The following AMBRA1 variants were observed in gnomAD, a reference collection of about 807,000 sequenced individuals.
AMBRA1 encodes autophagy and beclin 1 regulator 1.
In AMBRA1, 47 loss-of-function variants were observed where a neutral mutation model predicts 125.4. The observed-to-expected ratio is 0.37, with a 90% confidence interval of 0.30 to 0.48. The LOEUF (loss-of-function observed/expected upper bound fraction) is 0.48, where lower values mean the gene tolerates loss of function less well. AMBRA1 is among the 20% of genes least tolerant of loss of function. The pLI is 0.99. For synonymous variants in AMBRA1, 626 were observed against 655.5 expected, an observed-to-expected ratio of 0.95 and a Z score of 0.69; for missense variants, 1,331 against 1,693.4, an observed-to-expected ratio of 0.79 and a Z score of 3.76.
At chr11:46,405,542 G>T (rs1248457751) in intron 17 of AMBRA1, among the ~76,000 whole-genome samples, 1 of 151,882 alleles carries the variant, frequency 6.6e-6, no homozygotes, top group Non-Finnish European at 1.5e-5. Flanking sequence ...AACACGGTGA[G>T]ACCCTATCTC....
At chr11:46,577,069 G>C (rs951525544) in intron 1 of AMBRA1, among the ~76,000 whole-genome samples, 2 of 152,162 alleles carry the variant, frequency 1.3e-5, no homozygotes, top group African/African-American at 4.8e-5. Context: ...TAACATGTCA[G>C]AAGATCATTA....
intron 15 of AMBRA1, among the ~76,000 whole-genome samples, chr11:46,417,109 T>C (rs755151212): frequency 5.9e-5 from 9 of 151,940 alleles, no homozygotes; most frequent in Non-Finnish European, 8.8e-5. Context: ...TGGCGTGCAA[T>C]GGCATGATGT....
At chr11:46,450,734 T>G (rs1948547862) in intron 11 of AMBRA1, among the ~76,000 whole-genome samples, 1 of 152,214 alleles carries the variant, frequency 6.6e-6, no homozygotes. Flanking sequence ...TGAGCCACCA[T>G]GTACAGCCAC....
chr11:46,432,976 A>C (rs1320698984), intron 14 of AMBRA1, among the ~76,000 whole-genome samples: 11 of 152,346 alleles, frequency 7.2e-5, no homozygotes, highest in Middle Eastern at 3.4e-3. Flanking sequence ...ACAGGGTCCT[A>C]GACAGGACCT....
At chr11:46,445,982 C>A (rs571883383) in intron 11 of AMBRA1, among the ~76,000 whole-genome samples, 25 of 152,264 alleles carry the variant, frequency 1.6e-4, no homozygotes, top group African/African-American at 5.8e-4. Flanking sequence ...TGTGGATCTG[C>A]AAATGGGAAC....
chr11:46,483,596 AG>A (rs1950157273), intron 11 of AMBRA1, among the ~76,000 whole-genome samples: 1 of 152,196 alleles, frequency 6.6e-6, no homozygotes, highest in Non-Finnish European at 1.5e-5. Context: ...ATGTGAGCCC[AG>A]GGTTTTAAAA....
Position 46,548,413 on chromosome 11 carries a change from G to A in AMBRA1, c.-33C>T. 1 of 1,611,188 alleles carries A rather than the reference G, an allele frequency of 6.2e-7. No individual in the cohort carries two copies. The highest frequency in any genetic ancestry group is 1.7e-5 in the Admixed American group (1 of 59,978). On this transcript the variant is annotated 5_prime_UTR_variant, in exon 2 of 18. Coordinates refer to ENST00000683756, the MANE Select transcript of AMBRA1 (RefSeq NM_001387011.1). ...AGTAGCCACTGTCACACCAGGCCCA[G>A]GAAATGAAGGAGCAAGTAACAGCTC...
At chr11:46,547,089 A>C (rs766993260) in intron 4 of AMBRA1, 24 bp downstream of exon 4, 5 of 1,565,956 alleles carry the variant, frequency 3.2e-6, no homozygotes, top group Non-Finnish European at 3.4e-6. Flanking sequence ...CCAAAAGAAA[A>C]GGGTATCTTA....
intron 7 of AMBRA1, among the ~76,000 whole-genome samples, chr11:46,531,810 A>T (rs752480895): frequency 2.0e-5 from 3 of 151,934 alleles, no homozygotes; most frequent in African/African-American, 7.3e-5. Context: ...AATGACGAAT[A>T]CATTCGATAT....
chr11:46,569,044 C>A (rs1591148928), intron 1 of AMBRA1, among the ~76,000 whole-genome samples: 1 of 151,444 alleles, frequency 6.6e-6, no homozygotes, highest in Non-Finnish European at 1.5e-5. Context: ...TAACCTCAGG[C>A]GATCCACCTG....
intron 12 of AMBRA1, 130 bp from the exon 13 acceptor site, chr11:46,435,167 C>A (rs1947661198): frequency 7.6e-6 from 6 of 786,754 alleles, no homozygotes; most frequent in Non-Finnish European, 1.2e-5. Context: ...AGAATACCTT[C>A]TCATTCAAAC....
intron 14 of AMBRA1, among the ~76,000 whole-genome samples, chr11:46,421,072 T>C (rs1946828254): frequency 6.6e-6 from 1 of 152,234 alleles, no homozygotes; most frequent in African/African-American, 2.4e-5. Context: ...AGGCAAATAT[T>C]ATCTATTTGC....
chr11:46,547,371 T>G (rs915667962), intron 3 of AMBRA1, 75 bp from the exon 4 acceptor site: 2 of 1,349,872 alleles, frequency 1.5e-6, no homozygotes, highest in African/African-American at 2.9e-5. Context: ...TTGGACGACA[T>G]AGAATATTGA....
At chr11:46,568,317 G>A (rs975232505) in intron 1 of AMBRA1, among the ~76,000 whole-genome samples, 1 of 151,942 alleles carries the variant, frequency 6.6e-6, no homozygotes, top group Non-Finnish European at 1.5e-5. Context: ...AATTAGCCGG[G>A]AGTGGTGGCA....
intron 17 of AMBRA1, among the ~76,000 whole-genome samples, chr11:46,405,546 C>T (rs1210338698): frequency 3.3e-5 from 5 of 151,928 alleles, no homozygotes; most frequent in East Asian, 2.0e-4. Flanking sequence ...CGGTGAGACC[C>T]TATCTCTAAA....
chr11:46,542,102 T>C lies in AMBRA1; in HGVS notation c.1915A>G (p.Ser639Gly). 2 of 1,613,918 alleles carry C rather than the reference T, an allele frequency of 1.2e-6. No homozygotes were observed. Among genetic ancestry groups the C allele is most frequent in the Non-Finnish European group, 1.7e-6 (2 of 1,179,928 alleles). ...CCCACAGTCCTCTCCTCCTGCGGACTAGCAGAGCTGCTCAACTCCAGCCTG... is the reference window on the plus strand; with the variant it reads ...CCCACAGTCCTCTCCTCCTGCGGACCAGCAGAGCTGCTCAACTCCAGCCTG... Reference protein sequence around the residue: ...SSRLELSSSASPQEERTVGVA... With the variant: ...SSRLELSSSAGPQEERTVGVA... Residue 639 changes from serine (S) to glycine (G), a missense_variant, in exon 7 of 18, where the codon AGT becomes GGT. Ser to Gly is a moderately conservative substitution (Grantham distance 56, BLOSUM62 0). Transcript: ENST00000683756. The surrounding 1 kb of genome is among the most constrained non-coding windows in gnomAD (Gnocchi z 5.9).
intron 11 of AMBRA1, among the ~76,000 whole-genome samples, chr11:46,477,320 T>C (rs1320304309): frequency 6.6e-6 from 1 of 151,180 alleles, no homozygotes; most frequent in Non-Finnish European, 1.5e-5. Context: ...TAAAGATACT[T>C]CTTTTTTTTT....
At chr11:46,457,011 G>A (rs891522066) in intron 11 of AMBRA1, among the ~76,000 whole-genome samples, 15 of 152,062 alleles carry the variant, frequency 9.9e-5, no homozygotes, top group African/African-American at 2.7e-4. Context: ...CCACCTACAC[G>A]TGAATTATTG....
rs1206612489 is a variant in AMBRA1 at position 46,573,810 on chromosome 11, T to TC, written c.-121+20017dup. ...TAGGTATACCTCCCAATGCTATCCC[T>TC]CCCCCTCCCCCCACCCCACCACAGT... On this transcript the variant is annotated intron_variant, in intron 1 of 17. Transcript: ENST00000683756. Among the ~76,000 whole-genome samples the TC allele has an allele frequency of 5.9e-5, 4 of 67,492 alleles. No individual in the cohort carries two copies. The Admixed American group carries it at 7.6e-4, about 13-fold the overall frequency. 44.3% of individuals were successfully genotyped at this position (67,492 alleles called of 152,430 possible).
Sources: allele counts gnomAD v4.1 joint callset (sites outside exome capture counted in the v4.1 genomes callset), GRCh38; gene constraint gnomAD v4.1.1; non-coding constraint Gnocchi (gnomAD v3.1); transcripts MANE v1.5; gene names NCBI Gene and HGNC (gene_info 2026-07-23, HGNC 2026-07-21).